The following NTRK1 variants were observed in gnomAD, a reference collection of about 807,000 sequenced individuals.
NTRK1 encodes the protein high affinity nerve growth factor receptor.
In NTRK1, 62 loss-of-function variants were observed where a neutral mutation model predicts 86.8. The observed-to-expected ratio is 0.71, with a 90% CI of 0.58 to 0.88. The LOEUF is 0.88. NTRK1 is among the 40% of genes least tolerant of loss of function. The pLI is 0.00. For missense variants in NTRK1, 967 were observed against 1,078.4 expected, an observed-to-expected ratio of 0.90 and a Z score of 1.45; for synonymous variants, 469 against 456.6, an observed-to-expected ratio of 1.03 and a Z score of -0.35.
At chr1:156,839,313 T>C (rs1285430304) in intron 1 of NTRK1, among the ~76,000 whole-genome samples, 1 of 152,236 alleles carries the variant, frequency 6.6e-6, no homozygotes, top group African/African-American at 2.4e-5. Context: ...ACCCAGAGTG[T>C]GTGGCATGTG....
In NTRK1 at chr1:156,869,859, C is replaced by T. The variant is rs1414448224; in HGVS notation, c.717+1212C>T. Among the ~76,000 whole-genome samples, 4 of 152,196 alleles carry T rather than the reference C, an allele frequency of 2.6e-5. No homozygotes were observed. The East Asian group carries it at 7.7e-4, about 29-fold the overall frequency. On this transcript the variant is annotated intron_variant, in intron 6 of 16. Coordinates refer to ENST00000524377, the MANE Select transcript of NTRK1 (RefSeq NM_002529.4). ...GCTGTGCCCACCCAAAAAGCTGGCT[C>T]CACCTGGGCAGGAGGAGTGGATATG...
chr1:156,855,640 T>C (rs1049222660), intron 2 of NTRK1, among the ~76,000 whole-genome samples: 1 of 151,956 alleles, frequency 6.6e-6, no homozygotes, highest in African/African-American at 2.4e-5. Context: ...CTGGGCAACA[T>C]GGCAAAACCC....
At chr1:156,872,937 A>G (rs576209174) in intron 7 of NTRK1, among the ~76,000 whole-genome samples, 1 of 152,014 alleles carries the variant, frequency 6.6e-6, no homozygotes, top group East Asian at 1.9e-4. Context: ...TCGGCCTCCC[A>G]AAGTATTGGA....
rs771010259 is a variant in NTRK1 at position 156,876,414 on chromosome 1, G to C, written c.1647G>C (p.Ala549=). 2.5e-6 allele frequency: 4 copies of C among 1,613,816 alleles called. No homozygotes were observed. Among genetic ancestry groups the C allele is most frequent in the Non-Finnish European group, 3.4e-6 (4 of 1,180,012 alleles). ...MLVAVKALKE[A]SESARQDFQR... is the part of the protein sequence containing the mutation. Reference sequence around the variant, plus strand: ...CTTCCATCCAGGCACTGAAGGAGGCGTCCGAGAGTGCTCGGCAGGACTTCC... The same window carrying C: ...CTTCCATCCAGGCACTGAAGGAGGCCTCCGAGAGTGCTCGGCAGGACTTCC... Residue 549 remains alanine (A), a synonymous_variant, in exon 14 of 17, where the codon GCG becomes GCC. Coordinates refer to ENST00000524377, the MANE Select transcript of NTRK1 (RefSeq NM_002529.4).
rs767104704 is a variant in NTRK1, at chr1:156,874,956, G to T, written c.1302G>T (p.Thr434=). ...TCTTTGCCTGCCTCTTCCTTTCTAC[G>T]CTGCTCCTTGTGCTCAACAAATGTG... ...LAVFACLFLS[T]LLLVLNKCGR... Residue 434 remains threonine, a synonymous_variant, in exon 11 of 17, where the codon ACG becomes ACT. Coordinates refer to ENST00000524377, the MANE Select transcript of NTRK1 (RefSeq NM_002529.4). 3.1e-6 allele frequency: 5 copies of T among 1,613,962 alleles called. No individual in the cohort carries two copies. In the South Asian group the frequency reaches 3.3e-5, roughly 11 times the overall value.
At chr1:156,857,268 A>G (rs1655443602), upstream of NTRK1, among the ~76,000 whole-genome samples, 2 of 151,754 alleles carry the variant, frequency 1.3e-5, no homozygotes, top group Admixed American at 1.3e-4. Flanking sequence ...AGAATGAGAA[A>G]ACACTTCTAT....
At chr1:156,880,387 G>C in intron 16 of NTRK1, 1 of 590,088 alleles carries the variant, frequency 1.7e-6, no homozygotes, top group Non-Finnish European at 3.0e-6. Context: ...TTGGCCCCTG[G>C]GGGAACCTCA....
chr1:156,862,366 C>T (rs1057253381), intron 1 of NTRK1, among the ~76,000 whole-genome samples: 17 of 152,144 alleles, frequency 1.1e-4, no homozygotes, highest in African/African-American at 4.1e-4. Flanking sequence ...GGTTGCCAGT[C>T]CTAGTCCAGT....
At chr1:156,841,379 G>A in intron 1 of NTRK1, 1 of 1,612,654 alleles carries the variant, frequency 6.2e-7, no homozygotes, top group Non-Finnish European at 8.5e-7. Flanking sequence ...GGAAGGGGCA[G>A]GGGAGGTGAC....
In NTRK1 at chr1:156,820,216, T is replaced by C. The variant is rs114095390; in HGVS notation, c.-64+4378T>C. Among the ~76,000 whole-genome samples the C allele has an allele frequency of 7.0e-3, 1,064 of 152,296 alleles. 17 individuals carry two copies. Among genetic ancestry groups the C allele is most frequent in the African/African-American group, 0.024 (1,012 of 41,560 alleles). On this transcript the variant is annotated intron_variant, in intron 1 of 16. Coordinates refer to the NTRK1 transcript ENST00000392302. ...TGGCTTGCCAGTTTACTCAGCACCA[T>C]TTATTGAATAGGGTGTCCTTCCCCA...
intron 6 of NTRK1, 128 bp downstream of exon 6, chr1:156,868,775 G>C: frequency 7.1e-7 from 1 of 1,402,358 alleles, no homozygotes; most frequent in Non-Finnish European, 9.7e-7. Flanking sequence ...TTGAGGGACG[G>C]ACAGAGATGG....
At chr1:156,858,473 T>G (rs376192941), upstream of NTRK1, 221 of 1,289,920 alleles carry the variant, frequency 1.7e-4, no homozygotes, top group African/African-American at 2.9e-3. Flanking sequence ...GCAAGCTCAG[T>G]TTTTTGGCCT....
intron 8 of NTRK1, 56 bp from the exon 9 acceptor site, chr1:156,874,327 C>A (rs2102908525): frequency 6.2e-7 from 1 of 1,611,204 alleles, no homozygotes; most frequent in South Asian, 1.1e-5. Context: ...TTCCTCCTCC[C>A]TCTGACTGCT....
intron 3 of NTRK1, among the ~76,000 whole-genome samples, chr1:156,865,622 C>T (rs913548581): frequency 6.6e-6 from 1 of 152,180 alleles, no homozygotes; most frequent in Non-Finnish European, 1.5e-5. Context: ...CAGGGTCTCC[C>T]TCTGTTGCTC....
chr1:156,843,607 G>A, intron 2 of NTRK1: 4 of 972,576 alleles, frequency 4.1e-6, no homozygotes, highest in Non-Finnish European at 6.6e-6. Flanking sequence ...CTTGGTCAGG[G>A]TGACTCCTGG....
At chr1:156,873,591 G>C (rs949797706) in intron 7 of NTRK1, 42 bp from the exon 8 acceptor site, 1 of 1,571,096 alleles carries the variant, frequency 6.4e-7, no homozygotes, top group Non-Finnish European at 8.7e-7. Context: ...GCTCCCTCCA[G>C]CTGCGCCCTG....
intron 2 of NTRK1, among the ~76,000 whole-genome samples, chr1:156,850,534 C>CT (rs35237064): frequency 0.05 from 2,928 of 58,580 alleles, 581 homozygotes; most frequent in South Asian, 0.072. Flanking sequence ...TTAAAACATT[C>CT]TTTTTTTTTT....
chr1:156,879,190 G>A lies in NTRK1; in HGVS notation c.1874G>A (p.Gly625Glu), dbSNP rs1648100174. Residue 625 changes from glycine to glutamate, a missense_variant, in exon 15 of 17, where the codon GGG becomes GAG. By Grantham distance (98) the Gly-to-Glu change is moderately conservative. Around this residue, in one of 2 missense-constraint regions of NTRK1, gnomAD observed 637 missense variants for 776.5 expected, o/e 0.82. Transcript: ENST00000524377. ...EDVAPGPLGL[G>E]QLLAVASQVA... ...GTGGCTCCAGGCCCCCTGGGTCTGG[G>A]GCAGCTGCTGGCCGTGGCTAGCCAG... 1 of 1,613,066 alleles carries A rather than the reference G, an allele frequency of 6.2e-7. No individual in the cohort carries two copies. The highest frequency in any genetic ancestry group is 1.7e-5 in the Admixed American group (1 of 59,982).
At chr1:156,828,498 C>T (rs565023464) in intron 1 of NTRK1, among the ~76,000 whole-genome samples, 1 of 152,370 alleles carries the variant, frequency 6.6e-6, no homozygotes, top group South Asian at 2.1e-4. Context: ...TCCTCTTCCA[C>T]GCTCCCTGCT....
Sources: allele counts gnomAD v4.1 joint callset (sites outside exome capture counted in the v4.1 genomes callset), GRCh38; gene constraint gnomAD v4.1.1; regional missense constraint gnomAD v4.1.1; transcripts MANE v1.5; gene names NCBI Gene and HGNC (gene_info 2026-07-23, HGNC 2026-07-21).